The following C16orf78 variants were observed in gnomAD, a reference collection of about 807,000 sequenced individuals.
C16orf78 encodes uncharacterized protein C16orf78.
C16orf78 carries 19 observed loss-of-function variants against 27.3 expected under a neutral mutation model. The ratio of observed to expected loss-of-function variants is 0.70; its 90% CI spans 0.49 to 1.02. The LOEUF is 1.02. Ranked by LOEUF, C16orf78 falls within the 50% of genes least tolerant of loss-of-function variation. The pLI, the probability that C16orf78 is intolerant of heterozygous loss-of-function variation, is 0.00. For missense variants in C16orf78, 339 were observed against 337.0 expected, an observed-to-expected ratio of 1.01 and a Z score of -0.05; for synonymous variants, 130 against 116.1, an observed-to-expected ratio of 1.12 and a Z score of -0.77.
At chr16:49,395,450 T>C (rs1225515825) in intron 3 of C16orf78, among the ~76,000 whole-genome samples, 1 of 132,600 alleles carries the variant, frequency 7.5e-6, no homozygotes, top group African/African-American at 3.8e-5. Context: ...CATCATGAGA[T>C]TTTTTTTTGC....
chr16:49,395,366 C>T (rs1965458886), intron 3 of C16orf78, among the ~76,000 whole-genome samples: 1 of 152,282 alleles, frequency 6.6e-6, no homozygotes, highest in South Asian at 2.1e-4. Context: ...TCTAGTCCAA[C>T]CTTCAGGCTG....
chr16:49,388,120 A>G (rs370639165), intron 3 of C16orf78, among the ~76,000 whole-genome samples: 21 of 152,268 alleles, frequency 1.4e-4, no homozygotes, highest in Admixed American at 5.9e-4. Flanking sequence ...TCCTGTCTCT[A>G]TTAAGAAAAA....
chr16:49,396,646 G>A lies in C16orf78; in HGVS notation c.618G>A (p.Arg206=), dbSNP rs749690623. The A allele has an allele frequency of 1.2e-6, 2 of 1,611,378 alleles. No homozygotes were observed. Among genetic ancestry groups the A allele is most frequent in the African/African-American group, 2.7e-5 (2 of 74,942 alleles). Reference sequence around the variant, plus strand: ...CCGAACCTAAGATGGAAACCATGAGGATGTTGAAGCCAGAGGAGGTGCTGA... The same window carrying A: ...CCGAACCTAAGATGGAAACCATGAGAATGTTGAAGCCAGAGGAGGTGCTGA... ...KSTEPKMETM[R]MLKPEEVLSC... The change falls in exon 4 of 5, where the codon AGG becomes AGA. Residue 206 remains arginine, a synonymous_variant. Coordinates refer to ENST00000299191, the MANE Select transcript of C16orf78 (RefSeq NM_144602.4).
chr16:49,399,139 G>A lies in C16orf78; in HGVS notation c.659G>A (p.Arg220Lys), dbSNP rs1257620176. The change falls in exon 5 of 5, where the codon AGG becomes AAG. Residue 220 changes from arginine to lysine, a missense_variant. Coordinates refer to ENST00000299191, the MANE Select transcript of C16orf78 (RefSeq NM_144602.4). ...TGCCTTCTCTTGAACAGATACCTGA[G>A]GTTATCCAAGGAGAACATTCGGACC... ...PEEVLSCRYL[R>K]LSKENIRTLL... 2 of 1,613,934 alleles carry A rather than the reference G, an allele frequency of 1.2e-6. No individual in the cohort carries two copies. The highest frequency in any genetic ancestry group is 1.1e-5 in the South Asian group (1 of 91,058).
chr16:49,376,006 G>C lies in C16orf78; in HGVS notation c.151-1725G>C, dbSNP rs147010638. Among the ~76,000 whole-genome samples the C allele has an allele frequency of 1.2e-3, 183 of 152,346 alleles. 1 individual carries two copies. Among genetic ancestry groups the C allele is most frequent in the African/African-American group, 3.4e-3 (142 of 41,580 alleles). On this transcript the variant is annotated intron_variant, in intron 1 of 4. Coordinates refer to ENST00000299191, the MANE Select transcript of C16orf78 (RefSeq NM_144602.4). ...CTAGAGAGGGAGCAAGTTTACATGG[G>C]AAATATAATTAAGTCTTCAAGCATC...
intron 1 of C16orf78, among the ~76,000 whole-genome samples, chr16:49,376,680 G>A (rs1015048673): frequency 6.6e-5 from 10 of 151,408 alleles, no homozygotes; most frequent in Admixed American, 1.3e-4. Context: ...CACCCACCCC[G>A]CATAATAACC....
At chr16:49,390,411 AGT>A (rs1258858237) in intron 3 of C16orf78, among the ~76,000 whole-genome samples, 2 of 152,010 alleles carry the variant, frequency 1.3e-5, no homozygotes, top group Non-Finnish European at 2.9e-5. Flanking sequence ...TTCATCTTTC[AGT>A]CTTTTCTCTT....
Position 49,378,513 on chromosome 16 carries a change from G to T in C16orf78, c.314G>T (p.Ser105Ile). The change falls in exon 3 of 5, where the codon AGC becomes ATC. Residue 105 changes from serine to isoleucine, a missense_variant. By Grantham distance (142) the Ser-to-Ile change is moderately radical (BLOSUM62 -2). Transcript: ENST00000299191. ...RFRKDAASYRSLYGVEQKGKH... is the reference protein window; with the variant it reads ...RFRKDAASYRILYGVEQKGKH... The stretch of plus-strand genomic sequence containing the variant: ...AGGAAGGACGCCGCCTCCTACCGAA[G>T]CCTCTATGGAGTGGAGCAAAAGGGG... 6.2e-7 allele frequency: 1 copy of T among 1,609,696 alleles called. No individual in the cohort carries two copies. The highest frequency in any genetic ancestry group is 8.5e-7 in the Non-Finnish European group (1 of 1,177,972).
intron 4 of C16orf78, among the ~76,000 whole-genome samples, chr16:49,397,517 CA>C (rs1003822661): frequency 9.2e-5 from 14 of 152,260 alleles, no homozygotes; most frequent in East Asian, 3.9e-4. Context: ...TCCAGATGAA[CA>C]GGGAGAGATC....
At chr16:49,394,564 A>G (rs1035299273) in intron 3 of C16orf78, among the ~76,000 whole-genome samples, 2 of 152,172 alleles carry the variant, frequency 1.3e-5, no homozygotes, top group African/African-American at 4.8e-5. Flanking sequence ...AAAATATTAT[A>G]AAACATGTAT....
chr16:49,374,651 A>G (rs1965192880), intron 1 of C16orf78, among the ~76,000 whole-genome samples: 1 of 152,184 alleles, frequency 6.6e-6, no homozygotes, highest in Non-Finnish European at 1.5e-5. Context: ...TACTGCCCTC[A>G]GCTCTTCTCT....
At chr16:49,396,361 G>A in intron 3 of C16orf78, 62 bp from the exon 4 acceptor site, 1 of 1,575,144 alleles carries the variant, frequency 6.3e-7, no homozygotes. Context: ...TCCCCTTCCT[G>A]CCTACCCCAC....
intron 3 of C16orf78, among the ~76,000 whole-genome samples, chr16:49,389,867 T>C (rs891763696): frequency 1.2e-4 from 19 of 152,362 alleles, no homozygotes; most frequent in East Asian, 9.6e-4. Flanking sequence ...GTGCTCTTCA[T>C]TGGATCCAGA....
intron 3 of C16orf78, among the ~76,000 whole-genome samples, chr16:49,395,292 A>G (rs1007190533): frequency 6.6e-6 from 1 of 152,230 alleles, no homozygotes; most frequent in Non-Finnish European, 1.5e-5. Context: ...CATCCTCCTG[A>G]GTAAAAATAC....
At chr16:49,390,766 C>T (rs1355524297) in intron 3 of C16orf78, among the ~76,000 whole-genome samples, 1 of 152,214 alleles carries the variant, frequency 6.6e-6, no homozygotes, top group African/African-American at 2.4e-5. Context: ...CAGCTTTTTC[C>T]TCCTGTTCTA....
intron 3 of C16orf78, among the ~76,000 whole-genome samples, chr16:49,393,121 G>A (rs142179839): frequency 2.0e-3 from 306 of 152,168 alleles, no homozygotes; most frequent in African/African-American, 5.4e-3. Flanking sequence ...ACCCAGTCTC[G>A]GGTACATCTT....
intron 3 of C16orf78, among the ~76,000 whole-genome samples, chr16:49,383,234 G>A (rs1343144408): frequency 2.6e-5 from 4 of 152,242 alleles, no homozygotes; most frequent in Non-Finnish European, 4.4e-5. Flanking sequence ...AGTCAGGGCT[G>A]AGCCTGGGCA....
rs1169310754 is a variant in C16orf78, at chr16:49,388,873, A to G, written c.395-7550A>G. Among the ~76,000 whole-genome samples the G allele has an allele frequency of 2.6e-5, 4 of 152,174 alleles. 1 individual carries two copies. Among genetic ancestry groups the G allele is most frequent in the African/African-American group, 9.7e-5 (4 of 41,424 alleles). On this transcript the variant is annotated intron_variant, in intron 3 of 4. Transcript: ENST00000299191. The stretch of plus-strand genomic sequence containing the variant: ...TTCTAATTTTATTGCACTGCACAAA[A>G]CACATCTTAACAAATTCAAGAGGAC...
At chr16:49,380,994 C>T (rs1965279103) in intron 3 of C16orf78, among the ~76,000 whole-genome samples, 1 of 150,450 alleles carries the variant, frequency 6.6e-6, no homozygotes, top group Non-Finnish European at 1.5e-5. Flanking sequence ...TGATCTATAT[C>T]TCTGTTTTGG....
Sources: gnomAD v4.1 joint callset for allele counts (sites outside exome capture counted in the v4.1 genomes callset) on GRCh38, gnomAD v4.1.1 for gene constraint, MANE v1.5 for transcripts, NCBI Gene and HGNC (gene_info 2026-07-23, HGNC 2026-07-21) for gene names.